DIAPH2: variants seen among roughly 807,000 people sequenced by gnomAD.
The protein encoded by DIAPH2 is diaphanous related formin 2, also known as protein diaphanous homolog 2.
A neutral mutation model predicts 92.7 loss-of-function variants in DIAPH2; 35 were observed. That is an observed-to-expected ratio of 0.38 (90% CI 0.29 to 0.50). DIAPH2 has a LOEUF of 0.50. Ranked by LOEUF, DIAPH2 falls within the 20% of genes least tolerant of loss-of-function variation. The probability of loss-of-function intolerance (pLI) is 0.94; values close to 1 mark genes in which losing one functional copy is unlikely to be tolerated. For missense variants in DIAPH2, 701 were observed against 819.5 expected, an observed-to-expected ratio of 0.86 and a Z score of 1.77; for synonymous variants, 301 against 280.4, an observed-to-expected ratio of 1.07 and a Z score of -0.73.
chrX:96,999,433 G>A (rs1051303333), intron 17 of DIAPH2, among the ~76,000 whole-genome samples: 2 of 104,408 alleles, frequency 1.9e-5, no homozygotes, highest in Non-Finnish European at 3.9e-5. Flanking sequence ...CCCGGGAGGC[G>A]GAGCTTGCAG....
chrX:97,592,585 A>G (rs2071525033), intron 26 of DIAPH2, among the ~76,000 whole-genome samples: 1 of 112,208 alleles, frequency 8.9e-6, no homozygotes. Context: ...ATCCCTATGC[A>G]TAGGAACAAT....
chrX:97,172,439 T>C (rs780073106), intron 22 of DIAPH2, among the ~76,000 whole-genome samples: 5 of 111,813 alleles, frequency 4.5e-5, no homozygotes, highest in Non-Finnish European at 9.4e-5. Flanking sequence ...AGGAGTAGTC[T>C]CTCAGTTTAG....
At chrX:96,934,093 C>T (rs1405005765) in intron 10 of DIAPH2, among the ~76,000 whole-genome samples, 1 of 110,912 alleles carries the variant, frequency 9.0e-6, no homozygotes, top group Non-Finnish European at 1.9e-5. Context: ...TATTTAGAAC[C>T]GTAGATTTCA....
intron 23 of DIAPH2, among the ~76,000 whole-genome samples, chrX:97,248,057 AAAG>A (rs1233029339): frequency 2.7e-5 from 3 of 112,173 alleles, no homozygotes; most frequent in Non-Finnish European, 3.8e-5. Flanking sequence ...GCTATTTCTC[AAAG>A]AAGAATTCCA....
At chrX:97,550,407 T>C (rs777377020) in intron 26 of DIAPH2, among the ~76,000 whole-genome samples, 49 of 112,100 alleles carry the variant, frequency 4.4e-4, no homozygotes, top group South Asian at 7.5e-4. Flanking sequence ...TTAGGGACAA[T>C]CTGGTCTTTC....
At chrX:97,363,623 G>A (rs1319688447) in intron 24 of DIAPH2, among the ~76,000 whole-genome samples, 3 of 89,181 alleles carry the variant, frequency 3.4e-5, no homozygotes, top group Non-Finnish European at 6.2e-5. Context: ...CCGATATCAC[G>A]CCACTGCACT....
intron 22 of DIAPH2, among the ~76,000 whole-genome samples, chrX:97,189,190 T>C (rs981232381): frequency 2.7e-5 from 3 of 111,323 alleles, no homozygotes; most frequent in Non-Finnish European, 5.7e-5. Flanking sequence ...GTTCAAGAGA[T>C]GAATGAAGAC....
At chrX:96,944,723 TTTATA>T (rs1365371446) in intron 13 of DIAPH2, among the ~76,000 whole-genome samples, 1 of 112,033 alleles carries the variant, frequency 8.9e-6, no homozygotes, top group Non-Finnish European at 1.9e-5. Flanking sequence ...AGTTCATTCC[TTTATA>T]TTGCTGAGTA....
chrX:97,292,485 A>C (rs774033807), intron 23 of DIAPH2, among the ~76,000 whole-genome samples: 1 of 111,044 alleles, frequency 9.0e-6, no homozygotes, highest in South Asian at 3.8e-4. Flanking sequence ...GTTAAAAATT[A>C]TGTTACATGC....
intron 17 of DIAPH2, among the ~76,000 whole-genome samples, chrX:97,016,551 C>A (rs2066262321): frequency 8.9e-6 from 1 of 112,007 alleles, no homozygotes; most frequent in Non-Finnish European, 1.9e-5. Context: ...TATGCTTTCT[C>A]TCTTCAGGTT....
chrX:96,707,237 C>T (rs926097116), intron 1 of DIAPH2, among the ~76,000 whole-genome samples: 3 of 108,888 alleles, frequency 2.8e-5, no homozygotes, highest in Non-Finnish European at 3.8e-5. Context: ...GGCGTGATCT[C>T]GGCTCACTGC....
At chrX:97,342,923 G>A (rs979929403) in intron 23 of DIAPH2, among the ~76,000 whole-genome samples, 4 of 111,365 alleles carry the variant, frequency 3.6e-5, no homozygotes, top group African/African-American at 1.3e-4. Context: ...GAGAACAAGT[G>A]CAAAGGCCCT....
intron 19 of DIAPH2, among the ~76,000 whole-genome samples, chrX:97,090,842 T>C (rs1362013473): frequency 2.7e-5 from 3 of 111,467 alleles, no homozygotes; most frequent in Non-Finnish European, 5.6e-5. Context: ...CAAAGCATAG[T>C]ATTAATAAAA....
chrX:97,300,931 TAAAAAAAAAAAAAAAAAA>T (rs774601881), intron 23 of DIAPH2, among the ~76,000 whole-genome samples: 205 of 10,793 alleles, frequency 0.019, 7 homozygotes, highest in African/African-American at 0.058. Context: ...GACTCCGTCT[TAAAAAAAAAAAAAAAAAA>T]AAAAAAAAAA....
intron 23 of DIAPH2, among the ~76,000 whole-genome samples, chrX:97,286,706 A>G (rs1310161271): frequency 9.0e-6 from 1 of 111,167 alleles, no homozygotes; most frequent in East Asian, 2.8e-4. Flanking sequence ...TAGTCCATGG[A>G]AAACACTCAT....
At chrX:97,344,756 A>ATT (rs1400488952) in intron 23 of DIAPH2, among the ~76,000 whole-genome samples, 3 of 112,498 alleles carry the variant, frequency 2.7e-5, no homozygotes, top group Non-Finnish European at 5.6e-5. Context: ...AATTTATGAA[A>ATT]TTCGGTATCA....
chrX:96,975,006 A>G (rs1268555993), intron 17 of DIAPH2, among the ~76,000 whole-genome samples: 1 of 111,982 alleles, frequency 8.9e-6, no homozygotes, highest in East Asian at 2.8e-4. Flanking sequence ...AGAAATAAAC[A>G]TAAGAGCTTA....
chrX:97,421,048 A>G (rs977944611), intron 25 of DIAPH2, among the ~76,000 whole-genome samples: 3 of 112,069 alleles, frequency 2.7e-5, no homozygotes, highest in Non-Finnish European at 3.8e-5. Flanking sequence ...ACAAACTAAC[A>G]AAATCCTCTT....
At chrX:97,143,426 A>G (rs1035591598) in intron 22 of DIAPH2, among the ~76,000 whole-genome samples, 13 of 110,185 alleles carry the variant, frequency 1.2e-4, no homozygotes, top group Non-Finnish European at 2.3e-4. Flanking sequence ...TTTTTACAAC[A>G]TTTTGGAAAG....
Sources: gnomAD v4.1 joint callset for allele counts (sites outside exome capture counted in the v4.1 genomes callset) on GRCh38, gnomAD v4.1.1 for gene constraint, MANE v1.5 for transcripts, NCBI Gene and HGNC (gene_info 2026-07-23, HGNC 2026-07-21) for gene names.